The following PAX3 variants were observed in gnomAD, a reference collection of about 807,000 sequenced individuals.
The protein encoded by PAX3 is paired box 3.
A neutral mutation model predicts 51.6 loss-of-function variants in PAX3; 14 were observed. The ratio of observed to expected loss-of-function variants is 0.27; its 90% CI spans 0.18 to 0.42. The LOEUF (loss-of-function observed/expected upper bound fraction) is 0.42. PAX3 is among the 10% of genes least tolerant of loss of function. The pLI, the probability that PAX3 is intolerant of heterozygous loss-of-function variation, is 1.00. For synonymous variants in PAX3, 280 were observed against 253.4 expected (o/e 1.11, Z -1.00); for missense variants, 540 against 642.8 (o/e 0.84, Z 1.73).
chr2:222,232,747 A>T (rs1242329875), intron 4 of PAX3, among the ~76,000 whole-genome samples: 1 of 152,144 alleles, frequency 6.6e-6, no homozygotes, highest in Non-Finnish European at 1.5e-5. Flanking sequence ...TTTCACCAAC[A>T]TTTACATTAT....
intron 4 of PAX3, among the ~76,000 whole-genome samples, chr2:222,272,539 A>G (rs952345011): frequency 6.6e-6 from 1 of 152,116 alleles, no homozygotes; most frequent in Non-Finnish European, 1.5e-5. Context: ...AGTTTTGTTG[A>G]TGGAGGCTCA....
intron 4 of PAX3, among the ~76,000 whole-genome samples, chr2:222,239,278 C>T (rs565593442): frequency 3.3e-5 from 5 of 151,296 alleles, no homozygotes; most frequent in Non-Finnish European, 7.4e-5. Context: ...TGGCAGGGCG[C>T]AGGAGACACA....
In PAX3 at chr2:222,220,380, T is replaced by A. The variant is rs757653739; in HGVS notation, c.959-26A>T. The A allele has an allele frequency of 4.3e-6, 7 of 1,609,978 alleles. No individual in the cohort carries two copies. The Admixed American group carries it at 1.2e-4, about 27-fold the overall frequency. ...CTGAAATGAAAAAGATTGTCAACCA[T>A]CATGTTTTCTTTTAGGCCAGCAGAG... On this transcript the variant is annotated intron_variant, in intron 6 of 8. Transcript: ENST00000392070.
At chr2:222,223,529 G>T (rs1692277291) in intron 5 of PAX3, among the ~76,000 whole-genome samples, 1 of 152,152 alleles carries the variant, frequency 6.6e-6, no homozygotes, top group African/African-American at 2.4e-5. Flanking sequence ...GGAACAAACT[G>T]TGTTAGCTTG....
intron 4 of PAX3, among the ~76,000 whole-genome samples, chr2:222,261,624 A>G (rs987247986): frequency 6.6e-6 from 1 of 151,976 alleles, no homozygotes; most frequent in African/African-American, 2.4e-5. Flanking sequence ...AAGAAAAAGA[A>G]AAAGAAACAC....
chr2:222,261,627 A>AGAAAAT (rs1693865956), intron 4 of PAX3, among the ~76,000 whole-genome samples: 1 of 151,896 alleles, frequency 6.6e-6, no homozygotes, highest in Non-Finnish European at 1.5e-5. Flanking sequence ...AAAAAGAAAA[A>AGAAAAT]GAAACACCAA....
At chr2:222,297,732 T>A (rs369718424) in intron 1 of PAX3, among the ~76,000 whole-genome samples, 1 of 152,232 alleles carries the variant, frequency 6.6e-6, no homozygotes, top group Non-Finnish European at 1.5e-5. Flanking sequence ...CAAGCAGCAG[T>A]GCCTGTGTCA....
At chr2:222,231,954 A>C (rs1692612146) in intron 5 of PAX3, 124 bp downstream of exon 5, 1 of 823,412 alleles carries the variant, frequency 1.2e-6, no homozygotes. Context: ...AACAATATGC[A>C]TCCCTAGTAA....
chr2:222,206,477 C>T (rs1691514682), intron 7 of PAX3, among the ~76,000 whole-genome samples: 1 of 152,164 alleles, frequency 6.6e-6, no homozygotes, highest in South Asian at 2.1e-4. Flanking sequence ...GTTCTTTGAA[C>T]AGCCTTTAAA....
chr2:222,271,677 T>C (rs1694258500), intron 4 of PAX3, among the ~76,000 whole-genome samples: 1 of 152,216 alleles, frequency 6.6e-6, no homozygotes, highest in African/African-American at 2.4e-5. Context: ...ACCTAGTCAT[T>C]GAAGCTACCT....
At chr2:222,240,663 C>A (rs1021560592) in intron 4 of PAX3, among the ~76,000 whole-genome samples, 2 of 152,176 alleles carry the variant, frequency 1.3e-5, no homozygotes, top group African/African-American at 4.8e-5. Context: ...ACCCACCAAC[C>A]CGTACCTGTT....
chr2:222,207,467 C>T (rs1469355005), intron 7 of PAX3, among the ~76,000 whole-genome samples: 2 of 152,140 alleles, frequency 1.3e-5, no homozygotes, highest in African/African-American at 4.8e-5. Context: ...AGATAGAAAA[C>T]CTGTGCATGT....
rs150608026 is a variant in PAX3 at position 222,282,205 on chromosome 2, C to T, written c.586+11962G>A. ...CTGGCAATCATAGCTCCAGTTTTCT[C>T]GGGAGGGTTTTGAGGGGGTTGTATT... is the stretch of plus-strand genomic sequence containing the variant. On this transcript the variant is annotated intron_variant, in intron 4 of 8. Coordinates refer to ENST00000392070, the MANE Select transcript of PAX3 (RefSeq NM_181458.4). Among the ~76,000 whole-genome samples, 1,010 of 152,134 alleles carry T rather than the reference C, an allele frequency of 6.6e-3. 11 individuals carry two copies. Among genetic ancestry groups the T allele is most frequent in the African/African-American group, 0.023 (952 of 41,506 alleles).
intron 4 of PAX3, among the ~76,000 whole-genome samples, chr2:222,280,958 C>G (rs1255225307): frequency 6.6e-6 from 1 of 152,200 alleles, no homozygotes; most frequent in East Asian, 1.9e-4. Context: ...GTATTTAGAG[C>G]TTGGCAGGGC....
chr2:222,285,765 A>G (rs970967204), intron 4 of PAX3, among the ~76,000 whole-genome samples: 12 of 152,236 alleles, frequency 7.9e-5, no homozygotes, highest in Non-Finnish European at 1.6e-4. Context: ...CTACTTTTCA[A>G]TTATAAAAAT....
rs151079345 is a variant in PAX3, at chr2:222,290,654, G to A, written c.586+3513C>T. The stretch of plus-strand genomic sequence containing the variant: ...TAACTTTGCATCTAAATATTTAAGC[G>A]AGAGTCTTGCAGTCGCGTGTCCATT... On this transcript the variant is annotated intron_variant, in intron 4 of 8. Coordinates refer to ENST00000392070, the MANE Select transcript of PAX3 (RefSeq NM_181458.4). 5.3e-5 allele frequency among the ~76,000 whole-genome samples: 8 copies of A among 152,280 alleles called. No homozygotes were observed. The East Asian group carries it at 5.8e-4, about 11-fold the overall frequency.
intron 4 of PAX3, among the ~76,000 whole-genome samples, chr2:222,293,351 T>C (rs552163789): frequency 6.6e-6 from 1 of 152,348 alleles, no homozygotes; most frequent in South Asian, 2.1e-4. Context: ...TCTTTCTTTC[T>C]TTTTGCGTTT....
At chr2:222,227,771 A>G (rs1692441164) in intron 5 of PAX3, among the ~76,000 whole-genome samples, 1 of 152,098 alleles carries the variant, frequency 6.6e-6, no homozygotes, top group South Asian at 2.1e-4. Context: ...TACTAGGCAA[A>G]TAGTCGTTAG....
intron 4 of PAX3, among the ~76,000 whole-genome samples, chr2:222,286,083 G>A (rs537814955): frequency 5.9e-5 from 9 of 152,278 alleles, no homozygotes; most frequent in East Asian, 1.9e-4. Context: ...GGTTACAGGC[G>A]TGTGCCATCA....
Sources: allele counts gnomAD v4.1 joint callset (sites outside exome capture counted in the v4.1 genomes callset), GRCh38; gene constraint gnomAD v4.1.1; transcripts MANE v1.5; gene names NCBI Gene and HGNC (gene_info 2026-07-23, HGNC 2026-07-21).